CNTNAP5: variants seen among roughly 807,000 people sequenced by gnomAD.
The protein encoded by CNTNAP5 is contactin-associated protein-like 5.
Under a neutral mutation model 150.2 loss-of-function variants are expected in CNTNAP5, and 72 were observed. The ratio of observed to expected loss-of-function variants is 0.48; its 90% CI spans 0.40 to 0.58. The LOEUF (loss-of-function observed/expected upper bound fraction) is 0.58. Among genes scored for constraint, CNTNAP5 ranks in the 20% least tolerant of loss-of-function variants. The pLI is 0.00. For synonymous variants in CNTNAP5, 672 were observed against 619.8 expected, an observed-to-expected ratio of 1.08 and a Z score of -1.25; for missense variants, 1,636 against 1,626.2, an observed-to-expected ratio of 1.01 and a Z score of -0.10.
In CNTNAP5 at chr2:124,872,057, A is replaced by G. The variant is rs150918942; in HGVS notation, c.3436+2295A>G. 2.3e-3 allele frequency among the ~76,000 whole-genome samples: 350 copies of G among 152,098 alleles called. 1 individual carries two copies. Among genetic ancestry groups the G allele is most frequent in the Non-Finnish European group, 4.0e-3 (275 of 67,996 alleles). On this transcript the variant is annotated intron_variant, in intron 21 of 23. Coordinates refer to ENST00000682447, the MANE Select transcript of CNTNAP5 (RefSeq NM_001367498.1). ...GATATAACATCTTGCATTCTGGGCA[A>G]TTCATTTGGCTTTAGCATCACATTC...
intron 1 of CNTNAP5, among the ~76,000 whole-genome samples, chr2:124,201,520 G>A (rs934636837): frequency 2.6e-5 from 4 of 152,208 alleles, no homozygotes; most frequent in African/African-American, 9.6e-5. Flanking sequence ...AAGGTAAATA[G>A]AGTATTCAAG....
chr2:124,221,878 T>C, intron 2 of CNTNAP5, 69 bp downstream of exon 2: 1 of 991,092 alleles, frequency 1.0e-6, no homozygotes, highest in Non-Finnish European at 1.6e-6. Context: ...TGAAGGAGAG[T>C]GAGCACTCTC....
Position 124,266,787 on chromosome 2 carries a change from G to A in CNTNAP5, c.381+24394G>A, listed in dbSNP as rs148754704. ...GAGTGAAGCCCTAAAACTCAGCCCCGTCAGCCAATTAGGATTCATCTGACA... is the reference window on the plus strand; with the variant it reads ...GAGTGAAGCCCTAAAACTCAGCCCCATCAGCCAATTAGGATTCATCTGACA... On this transcript the variant is annotated intron_variant, in intron 3 of 23. Transcript: ENST00000682447. 2.9e-3 allele frequency among the ~76,000 whole-genome samples: 439 copies of A among 152,168 alleles called. 6 individuals are homozygous for A. Among genetic ancestry groups the A allele is most frequent in the African/African-American group, 9.9e-3 (412 of 41,494 alleles).
At chr2:124,100,547 A>G (rs1445525932) in intron 1 of CNTNAP5, among the ~76,000 whole-genome samples, 1 of 152,162 alleles carries the variant, frequency 6.6e-6, no homozygotes, top group Non-Finnish European at 1.5e-5. Context: ...TGTATTCTCT[A>G]TCACACTAAC....
At chr2:124,734,112 AGGCAT>A (rs1680331449) in intron 13 of CNTNAP5, among the ~76,000 whole-genome samples, 2 of 152,114 alleles carry the variant, frequency 1.3e-5, no homozygotes, top group Admixed American at 1.3e-4. Flanking sequence ...AAGACTTTTT[AGGCAT>A]TTGTGTATAA....
intron 2 of CNTNAP5, among the ~76,000 whole-genome samples, chr2:124,228,289 C>T (rs1213029891): frequency 6.6e-6 from 1 of 152,034 alleles, no homozygotes; most frequent in Non-Finnish European, 1.5e-5. Context: ...CTATCTGGTC[C>T]CTCAATGGAT....
chr2:124,127,129 T>G (rs1477496403), intron 1 of CNTNAP5, among the ~76,000 whole-genome samples: 1 of 152,198 alleles, frequency 6.6e-6, no homozygotes, highest in Non-Finnish European at 1.5e-5. Flanking sequence ...TGTCCCTGTT[T>G]GCAGATGACA....
chr2:124,237,702 T>TGGCACA lies in CNTNAP5; in HGVS notation c.188-4497_188-4492dup, dbSNP rs542016923. Among the ~76,000 whole-genome samples the TGGCACA allele has an allele frequency of 3.9e-5, 6 of 152,126 alleles. No homozygotes were observed. The East Asian group carries it at 7.8e-4, about 20-fold the overall frequency. ...AAATACAAAAATTAGCTGGATGTGG[T>TGGCACA]GGCACACGCCTGTAATCCCAGCTAC... On this transcript the variant is annotated intron_variant, in intron 2 of 23. Coordinates refer to ENST00000682447, the MANE Select transcript of CNTNAP5 (RefSeq NM_001367498.1).
At chr2:124,234,215 A>G (rs906498878) in intron 2 of CNTNAP5, among the ~76,000 whole-genome samples, 7 of 152,150 alleles carry the variant, frequency 4.6e-5, no homozygotes, top group Admixed American at 2.6e-4. Context: ...ACTAGAATCC[A>G]CTAACAATCT....
intron 3 of CNTNAP5, among the ~76,000 whole-genome samples, chr2:124,279,900 C>T (rs1013825387): frequency 6.6e-6 from 1 of 152,008 alleles, no homozygotes; most frequent in African/African-American, 2.4e-5. Flanking sequence ...CATATTATAC[C>T]TTTGTCACCT....
chr2:124,258,992 T>A (rs1470669519), intron 3 of CNTNAP5, among the ~76,000 whole-genome samples: 1 of 148,614 alleles, frequency 6.7e-6, no homozygotes, highest in Non-Finnish European at 1.5e-5. Context: ...TATCTCCCAA[T>A]GCTATCCCTC....
intron 23 of CNTNAP5, among the ~76,000 whole-genome samples, chr2:124,911,760 T>C (rs535257027): frequency 6.6e-6 from 1 of 152,208 alleles, no homozygotes; most frequent in Non-Finnish European, 1.5e-5. Flanking sequence ...CTCTGATTCA[T>C]GAGGCAGCTG....
rs1045569090 is a variant in CNTNAP5, at chr2:124,838,455, G to A, written c.3218-26851G>A. Among the ~76,000 whole-genome samples the A allele has an allele frequency of 7.2e-5, 11 of 152,214 alleles. No homozygotes were observed. In the East Asian group the frequency reaches 2.1e-3, roughly 29 times the overall value. On this transcript the variant is annotated intron_variant, in intron 19 of 23. Coordinates refer to ENST00000682447, the MANE Select transcript of CNTNAP5 (RefSeq NM_001367498.1). Reference sequence around the variant, plus strand: ...GCCACTATGTCATGGAGCTCTACCAGGATTCTATCTTTGAAAGGGGTGTCT... The same window carrying A: ...GCCACTATGTCATGGAGCTCTACCAAGATTCTATCTTTGAAAGGGGTGTCT...
At chr2:124,214,385 C>T (rs1418960161) in intron 1 of CNTNAP5, among the ~76,000 whole-genome samples, 2 of 152,132 alleles carry the variant, frequency 1.3e-5, no homozygotes, top group Non-Finnish European at 2.9e-5. Context: ...TGGGTGTTCC[C>T]GCAGTCTGCT....
At chr2:124,249,535 A>T (rs527961754) in intron 3 of CNTNAP5, among the ~76,000 whole-genome samples, 5 of 152,342 alleles carry the variant, frequency 3.3e-5, no homozygotes, top group African/African-American at 1.2e-4. Flanking sequence ...CCAATTGTTA[A>T]CCAGAAAGTG....
At chr2:124,380,524 T>C (rs1361521757) in intron 3 of CNTNAP5, among the ~76,000 whole-genome samples, 1 of 152,222 alleles carries the variant, frequency 6.6e-6, no homozygotes, top group African/African-American at 2.4e-5. Context: ...CAAATAAGCA[T>C]ATTCCTTACA....
chr2:124,205,325 G>T (rs1367219855), intron 1 of CNTNAP5, among the ~76,000 whole-genome samples: 1 of 152,032 alleles, frequency 6.6e-6, no homozygotes, highest in African/African-American at 2.4e-5. Context: ...AGTGAAGAAG[G>T]ACATGTTTGC....
chr2:124,732,915 A>G (rs1009360634), intron 13 of CNTNAP5, among the ~76,000 whole-genome samples: 1 of 152,188 alleles, frequency 6.6e-6, no homozygotes, highest in Non-Finnish European at 1.5e-5. Flanking sequence ...CTTTGATTAA[A>G]AGACTCAGAA....
intron 13 of CNTNAP5, among the ~76,000 whole-genome samples, chr2:124,652,371 A>G (rs1452372864): frequency 2.0e-5 from 3 of 152,144 alleles, no homozygotes; most frequent in Non-Finnish European, 4.4e-5. Context: ...CAGTACTCAC[A>G]GTACCTTGTC....
Sources: gnomAD v4.1 joint callset for allele counts (sites outside exome capture counted in the v4.1 genomes callset) on GRCh38, gnomAD v4.1.1 for gene constraint, MANE v1.5 for transcripts, NCBI Gene and HGNC (gene_info 2026-07-23, HGNC 2026-07-21) for gene names.